IL1RAPL2: variants seen among roughly 807,000 people sequenced by gnomAD.
IL1RAPL2 encodes the protein interleukin 1 receptor accessory protein like 2.
Under a neutral mutation model 44.1 loss-of-function variants are expected in IL1RAPL2, and 3 were observed. The ratio of observed to expected loss-of-function variants is 0.07; its 90% confidence interval spans 0.03 to 0.18. The LOEUF (loss-of-function observed/expected upper bound fraction) is 0.18. IL1RAPL2 is among the 10% of genes least tolerant of loss of function. The pLI is 1.00. For synonymous variants in IL1RAPL2, 181 were observed against 178.8 expected (o/e 1.01, Z -0.10); for missense variants, 391 against 496.4 (o/e 0.79, Z 2.02).
chrX:104,847,817 A>G lies in IL1RAPL2; in HGVS notation c.82+188822A>G, dbSNP rs753009557. Among the ~76,000 whole-genome samples, 14 of 111,786 alleles carry G rather than the reference A, an allele frequency of 1.3e-4. No individual in the cohort carries two copies. In the East Asian group the frequency reaches 2.8e-3, roughly 22 times the overall value. ...CATTTTCACGATGTTGATTCTTCCT[A>G]TCCATGAGCATGGAATGTTCTTCCA... is the stretch of plus-strand genomic sequence containing the variant. On this transcript the variant is annotated intron_variant, in intron 2 of 10. Transcript: ENST00000372582.
At position 104,665,422 on chromosome X, in the gene IL1RAPL2, C is replaced by T. The variant is rs189889190; in HGVS notation, c.82+6427C>T. ...TCACTAATGTATCTTGGAAGTCAAG[C>T]ATTTTGGATTCTGTTAATATTTTTT... is the stretch of plus-strand genomic sequence containing the variant. On this transcript the variant is annotated intron_variant, in intron 2 of 10. Coordinates refer to ENST00000372582, the MANE Select transcript of IL1RAPL2 (RefSeq NM_017416.2). 3.7e-3 allele frequency among the ~76,000 whole-genome samples: 408 copies of T among 110,591 alleles called. 1 individual carries two copies. Among genetic ancestry groups the T allele is most frequent in the African/African-American group, 0.012 (379 of 30,612 alleles).
chrX:105,670,947 T>C (rs2037819812), intron 6 of IL1RAPL2, among the ~76,000 whole-genome samples: 1 of 106,925 alleles, frequency 9.4e-6, no homozygotes, highest in Admixed American at 1.0e-4. Flanking sequence ...ATATATAATA[T>C]TTATTATTTA....
At chrX:105,037,296 A>AT (rs2031646566) in intron 2 of IL1RAPL2, among the ~76,000 whole-genome samples, 2 of 111,245 alleles carry the variant, frequency 1.8e-5, no homozygotes, top group Non-Finnish European at 3.8e-5. Context: ...TGTGAAAGTG[A>AT]TTTTTTTGGG....
chrX:105,103,667 C>G (rs1176450574), intron 2 of IL1RAPL2, among the ~76,000 whole-genome samples: 1 of 111,660 alleles, frequency 9.0e-6, no homozygotes, highest in Non-Finnish European at 1.9e-5. Context: ...AATTGGCCAT[C>G]TTTACAACTT....
intron 2 of IL1RAPL2, among the ~76,000 whole-genome samples, chrX:104,903,208 A>G (rs1409306485): frequency 8.9e-6 from 1 of 112,161 alleles, no homozygotes; most frequent in Non-Finnish European, 1.9e-5. Context: ...AATTTAGACA[A>G]GGCTAATGAA....
chrX:105,213,640 A>T (rs2033826461), intron 3 of IL1RAPL2, among the ~76,000 whole-genome samples: 1 of 110,292 alleles, frequency 9.1e-6, no homozygotes, highest in East Asian at 2.9e-4. Flanking sequence ...CCACTAAGAT[A>T]CTCTTCGAGA....
At chrX:105,486,100 C>T (rs2036264284) in intron 6 of IL1RAPL2, among the ~76,000 whole-genome samples, 1 of 111,708 alleles carries the variant, frequency 9.0e-6, no homozygotes, top group African/African-American at 3.3e-5. Context: ...GTTCCCTTTG[C>T]TCCATATCCT....
chrX:104,828,141 T>A (rs1219539366), intron 2 of IL1RAPL2, among the ~76,000 whole-genome samples: 2 of 111,959 alleles, frequency 1.8e-5, no homozygotes, highest in Non-Finnish European at 3.8e-5. Context: ...TTTGTCAAAC[T>A]AATTTTTCCT....
chrX:104,982,750 C>T (rs960791425), intron 2 of IL1RAPL2, among the ~76,000 whole-genome samples: 2 of 56 alleles, frequency 0.036, no homozygotes, highest in African/African-American at 0.12. Context: ...ACATATATTG[C>T]GTTTTCTGGA....
chrX:105,074,535 G>C (rs1307467463), intron 2 of IL1RAPL2, among the ~76,000 whole-genome samples: 2 of 109,703 alleles, frequency 1.8e-5, no homozygotes, highest in East Asian at 5.7e-4. Context: ...CTCTTTTTTG[G>C]TTCCATATGA....
At chrX:105,523,642 G>A (rs1486077052) in intron 6 of IL1RAPL2, among the ~76,000 whole-genome samples, 2 of 111,314 alleles carry the variant, frequency 1.8e-5, no homozygotes, top group East Asian at 5.6e-4. Flanking sequence ...CAGTGAATTT[G>A]CCTTGGAAAT....
chrX:105,183,700 G>C (rs2033556673), intron 2 of IL1RAPL2, among the ~76,000 whole-genome samples: 1 of 111,603 alleles, frequency 9.0e-6, no homozygotes, highest in Admixed American at 9.5e-5. Context: ...ACACTGCTCT[G>C]TTTCCTGGAG....
chrX:105,121,939 A>G (rs1393781953), intron 2 of IL1RAPL2, among the ~76,000 whole-genome samples: 1 of 110,956 alleles, frequency 9.0e-6, no homozygotes. Context: ...CTTGTTTCCA[A>G]TAGCACTCAG....
intron 5 of IL1RAPL2, among the ~76,000 whole-genome samples, chrX:105,371,040 T>C (rs1169800791): frequency 8.9e-6 from 1 of 112,632 alleles, no homozygotes; most frequent in Non-Finnish European, 1.9e-5. Context: ...ATGTCTTCTT[T>C]TGAAAAATGT....
chrX:105,604,398 G>A (rs1227322992), intron 6 of IL1RAPL2, among the ~76,000 whole-genome samples: 2 of 110,591 alleles, frequency 1.8e-5, no homozygotes, highest in African/African-American at 6.5e-5. Flanking sequence ...GACAAACCTA[G>A]AGGACATGGA....
chrX:105,114,310 T>G (rs182530006), intron 2 of IL1RAPL2, among the ~76,000 whole-genome samples: 1 of 112,175 alleles, frequency 8.9e-6, no homozygotes, highest in East Asian at 2.8e-4. Flanking sequence ...CCTGCCGAAC[T>G]GTAAGAAATG....
At chrX:104,867,547 A>G (rs750158675) in intron 2 of IL1RAPL2, among the ~76,000 whole-genome samples, 36 of 111,862 alleles carry the variant, frequency 3.2e-4, no homozygotes, top group Non-Finnish European at 5.8e-4. Flanking sequence ...CCACATGGCT[A>G]CAGAGGGTAT....
intron 6 of IL1RAPL2, among the ~76,000 whole-genome samples, chrX:105,507,319 A>T (rs1200107855): frequency 8.9e-6 from 1 of 112,061 alleles, no homozygotes; most frequent in Non-Finnish European, 1.9e-5. Flanking sequence ...ATGCCATTGC[A>T]CGTCTCTTGT....
At chrX:104,689,889 T>C (rs1170056453) in intron 2 of IL1RAPL2, among the ~76,000 whole-genome samples, 1 of 111,963 alleles carries the variant, frequency 8.9e-6, no homozygotes. Flanking sequence ...AGAACTACAT[T>C]AATAAGGCAA....
Sources: gnomAD v4.1 joint callset for allele counts (sites outside exome capture counted in the v4.1 genomes callset) on GRCh38, gnomAD v4.1.1 for gene constraint, MANE v1.5 for transcripts, NCBI Gene and HGNC (gene_info 2026-07-23, HGNC 2026-07-21) for gene names.